Variants in NELL1 observed in about 807,000 individuals in gnomAD.
The protein encoded by NELL1 is protein kinase C-binding protein NELL1.
In NELL1, 76 loss-of-function variants were observed where a neutral mutation model predicts 107.4. That is an observed-to-expected ratio of 0.71 (90% confidence interval 0.59 to 0.86). The LOEUF (loss-of-function observed/expected upper bound fraction) is 0.86, where lower values mean the gene tolerates loss of function less well. Ranked by LOEUF, NELL1 falls within the 40% of genes least tolerant of loss-of-function variation. The pLI is 0.00. For synonymous variants in NELL1, 353 were observed against 341.2 expected, an observed-to-expected ratio of 1.03 and a Z score of -0.38; for missense variants, 1,024 against 1,005.5, an observed-to-expected ratio of 1.02 and a Z score of -0.25.
At chr11:20,740,130 T>C (rs1855857985) in intron 2 of NELL1, among the ~76,000 whole-genome samples, 1 of 152,180 alleles carries the variant, frequency 6.6e-6, no homozygotes, top group South Asian at 2.1e-4. Context: ...TGCTGGGCAC[T>C]TTTCTAGCCC....
chr11:21,162,860 A>G (rs1156520064), intron 13 of NELL1, among the ~76,000 whole-genome samples: 2 of 152,244 alleles, frequency 1.3e-5, no homozygotes, highest in Admixed American at 6.5e-5. Context: ...AAATAATTCA[A>G]TACAACAATT....
chr11:20,728,902 G>A lies in NELL1; in HGVS notation c.184+50842G>A, dbSNP rs529241369. On this transcript the variant is annotated intron_variant, in intron 2 of 19. Coordinates refer to ENST00000357134, the MANE Select transcript of NELL1 (RefSeq NM_006157.5). ...ATCTGTAGATTGCTCTGGGCAGTAT[G>A]GCCATGTTAATGATGTTGATTCTTG... 2.0e-5 allele frequency among the ~76,000 whole-genome samples: 3 copies of A among 152,190 alleles called. No homozygotes were observed. In the East Asian group the frequency reaches 5.8e-4, roughly 29 times the overall value.
At chr11:21,191,196 C>T (rs1426640947) in intron 13 of NELL1, among the ~76,000 whole-genome samples, 1 of 151,566 alleles carries the variant, frequency 6.6e-6, no homozygotes, top group Non-Finnish European at 1.5e-5. Flanking sequence ...AATCAGCTGA[C>T]CCTGAGATAG....
chr11:20,686,633 T>A (rs1854311627), intron 2 of NELL1, among the ~76,000 whole-genome samples: 1 of 152,160 alleles, frequency 6.6e-6, no homozygotes, highest in South Asian at 2.1e-4. Flanking sequence ...TTTGCCTTGT[T>A]CGAACATTTG....
chr11:21,418,775 C>T (rs920378778), intron 15 of NELL1, among the ~76,000 whole-genome samples: 1 of 152,066 alleles, frequency 6.6e-6, no homozygotes, highest in Non-Finnish European at 1.5e-5. Context: ...TTGCATAGTT[C>T]AGCTACCTCC....
At chr11:21,371,511 G>A (rs1851357977) in intron 15 of NELL1, among the ~76,000 whole-genome samples, 1 of 152,100 alleles carries the variant, frequency 6.6e-6, no homozygotes, top group African/African-American at 2.4e-5. Context: ...TGCAATAAAT[G>A]TTGTGTTTAC....
intron 15 of NELL1, among the ~76,000 whole-genome samples, chr11:21,452,368 C>A (rs1484328876): frequency 6.6e-6 from 1 of 152,054 alleles, no homozygotes; most frequent in Non-Finnish European, 1.5e-5. Flanking sequence ...CCATTACTTT[C>A]TTTTGATAAG....
At chr11:21,048,838 G>A (rs1433813947) in intron 12 of NELL1, among the ~76,000 whole-genome samples, 2 of 152,062 alleles carry the variant, frequency 1.3e-5, no homozygotes, top group African/African-American at 4.8e-5. Context: ...CATGCTTGCT[G>A]CCCTTTATTG....
At chr11:21,480,303 G>A (rs1854461207) in intron 15 of NELL1, among the ~76,000 whole-genome samples, 1 of 152,094 alleles carries the variant, frequency 6.6e-6, no homozygotes, top group Non-Finnish European at 1.5e-5. Flanking sequence ...TTGGGGATAA[G>A]GGCAGATTAT....
chr11:21,056,379 G>GC (rs1853615828), intron 12 of NELL1, among the ~76,000 whole-genome samples: 1 of 152,148 alleles, frequency 6.6e-6, no homozygotes, highest in African/African-American at 2.4e-5. Flanking sequence ...AAGAGGTACT[G>GC]TAGCAGAAAG....
Position 21,167,599 on chromosome 11 carries a change from G to A in NELL1, c.1426+53885G>A, listed in dbSNP as rs550276103. On this transcript the variant is annotated intron_variant, in intron 13 of 19. Coordinates refer to ENST00000357134, the MANE Select transcript of NELL1 (RefSeq NM_006157.5). Reference sequence around the variant, plus strand: ...ATCAGTCATGAGGTTGGCAATTGACGAATACCTTATTATAGTTGCACTCAA... The same window carrying A: ...ATCAGTCATGAGGTTGGCAATTGACAAATACCTTATTATAGTTGCACTCAA... 5.8e-4 allele frequency among the ~76,000 whole-genome samples: 88 copies of A among 151,924 alleles called. 3 individuals carry two copies. Among genetic ancestry groups the A allele is most frequent in the Middle Eastern group, 3.4e-3 (1 of 294 alleles).
chr11:21,383,168 C>T (rs1851651279), intron 15 of NELL1, among the ~76,000 whole-genome samples: 1 of 151,912 alleles, frequency 6.6e-6, no homozygotes, highest in African/African-American at 2.4e-5. Flanking sequence ...AAAAGTAGTT[C>T]CTGAAAATAT....
At chr11:21,353,807 G>T (rs1850869898) in intron 14 of NELL1, among the ~76,000 whole-genome samples, 1 of 152,086 alleles carries the variant, frequency 6.6e-6, no homozygotes, top group Non-Finnish European at 1.5e-5. Flanking sequence ...TTACTTCCTT[G>T]GTTGAGCTCT....
intron 3 of NELL1, among the ~76,000 whole-genome samples, chr11:20,838,934 T>G (rs1421356195): frequency 6.6e-6 from 1 of 152,208 alleles, no homozygotes; most frequent in Non-Finnish European, 1.5e-5. Flanking sequence ...AAGATGCAGT[T>G]GTGCAATTCC....
chr11:21,265,028 T>A (rs1848609642), intron 14 of NELL1, among the ~76,000 whole-genome samples: 1 of 151,976 alleles, frequency 6.6e-6, no homozygotes, highest in African/African-American at 2.4e-5. Context: ...TTAATAGAGT[T>A]GTTCATGTGG....
intron 15 of NELL1, among the ~76,000 whole-genome samples, chr11:21,388,453 A>G (rs1851795676): frequency 6.6e-6 from 1 of 151,916 alleles, no homozygotes; most frequent in South Asian, 2.1e-4. Context: ...TTTGAGAACA[A>G]GAACAATTTT....
Position 21,573,374 on chromosome 11 carries a change from A to G in NELL1, c.2347A>G (p.Met783Val). ...ACGGCTTAGTGGCTCAGTGTGGACG[A>G]TGGCTGGATCTCCCTGCACAACCTG... ...VSRLSGSVWT[M>V]AGSPCTTCKC... Residue 783 changes from methionine to valine, a missense_variant, in exon 19 of 20, where the codon ATG (methionine) becomes GTG (valine). Transcript: ENST00000357134. The G allele has an allele frequency of 3.1e-6, 5 of 1,612,258 alleles. No individual in the cohort carries two copies. The highest frequency in any genetic ancestry group is 4.2e-6 in the Non-Finnish European group (5 of 1,178,900).
intron 15 of NELL1, among the ~76,000 whole-genome samples, chr11:21,523,522 T>A (rs1202888778): frequency 6.6e-6 from 1 of 152,206 alleles, no homozygotes; most frequent in Non-Finnish European, 1.5e-5. Context: ...TAATACATTT[T>A]GGTGGTCTTT....
chr11:20,836,765 TAACA>T lies in NELL1; in HGVS notation c.336-10813_336-10810del, dbSNP rs571511261. On this transcript the variant is annotated intron_variant, in intron 3 of 19. Coordinates refer to ENST00000357134, the MANE Select transcript of NELL1 (RefSeq NM_006157.5). ...AGCCAAAAAAAAGATTAAAAAAAGA[TAACA>T]AACAGATTAATGATTTCCAGGGCTT... Among the ~76,000 whole-genome samples, 121 of 152,062 alleles carry T rather than the reference TAACA, an allele frequency of 8.0e-4. No individual in the cohort carries two copies. The Middle Eastern group carries it at 0.01, about 13-fold the overall frequency.
Sources: allele counts gnomAD v4.1 joint callset (sites outside exome capture counted in the v4.1 genomes callset), GRCh38; gene constraint gnomAD v4.1.1; transcripts MANE v1.5; gene names NCBI Gene and HGNC (gene_info 2026-07-23, HGNC 2026-07-21).